HEPACAM: variants seen among roughly 807,000 people sequenced by gnomAD.
HEPACAM encodes hepatocyte cell adhesion molecule.
Under a neutral mutation model 38.3 loss-of-function variants are expected in HEPACAM, and 18 were observed. That is an observed-to-expected ratio of 0.47 (90% CI 0.33 to 0.70). The LOEUF is 0.70. HEPACAM is among the 30% of genes least tolerant of loss of function. The pLI, the probability that HEPACAM is intolerant of heterozygous loss-of-function variation, is 0.03. For missense variants in HEPACAM, 466 were observed against 563.0 expected (o/e 0.83, Z 1.74); for synonymous variants, 216 against 243.1 (o/e 0.89, Z 1.04).
Position 124,919,659 on chromosome 11 carries a change from A to G in HEPACAM, c.*1479T>C, listed in dbSNP as rs566864287. 3.4e-4 allele frequency: 491 copies of G among 1,424,438 alleles called. 6 individuals carry two copies. The South Asian group carries it at 6.1e-3, about 18-fold the overall frequency. 88.2% of individuals were successfully genotyped at this position (1,424,438 alleles called of 1,614,324 possible). ...AAGTGCCGAGGGACAGGGAGCTGAG[A>G]CAGGCATGCTGTGGGGTTCAGGGCA... On this transcript the variant is annotated 3_prime_UTR_variant, in exon 7 of 7. Transcript: ENST00000298251.
chr11:124,926,044 TAAAAAA>T (rs899060489), intron 1 of HEPACAM, among the ~76,000 whole-genome samples: 17 of 151,670 alleles, frequency 1.1e-4, no homozygotes, highest in Admixed American at 3.9e-4. Context: ...CTACTAAAAA[TAAAAAA>T]AATTAGCCAG....
chr11:124,920,639 T>G lies in HEPACAM; in HGVS notation c.*499A>C. On this transcript the variant is annotated 3_prime_UTR_variant, in exon 7 of 7. Coordinates refer to ENST00000298251, the MANE Select transcript of HEPACAM (RefSeq NM_152722.5). ...TGGCTTCTCCTTAGCTTAGTGCAGC[T>G]GTGGATTCTGGGAAAGTGGCCTCTC... The G allele has an allele frequency of 4.0e-6, 4 of 1,004,194 alleles. No homozygotes were observed. Among genetic ancestry groups the G allele is most frequent in the Non-Finnish European group, 4.7e-6 (4 of 845,616 alleles). The allele number at this position is 1,004,194 out of a possible 1,614,324, so 62.2% of individuals were successfully genotyped here.
chr11:124,928,006 G>C (rs1317468794), intron 1 of HEPACAM, among the ~76,000 whole-genome samples: 1 of 152,150 alleles, frequency 6.6e-6, no homozygotes, highest in Admixed American at 6.5e-5. Flanking sequence ...TTAATTTGGG[G>C]CAAGTAAAAT....
chr11:124,921,510 C>T lies in HEPACAM; in HGVS notation c.949-70G>A. On this transcript the variant is annotated intron_variant, in intron 6 of 6. Coordinates refer to ENST00000298251, the MANE Select transcript of HEPACAM (RefSeq NM_152722.5). The surrounding 1 kb of genome is among the most constrained non-coding windows in gnomAD (Gnocchi z 4.6). ...CCTGGGAGCGCGCCTGGTGTTAGAG[C>T]TTGCTGGAATTCCGAGGGGAGGGAC... The T allele has an allele frequency of 1.9e-6, 2 of 1,036,040 alleles. No individual in the cohort carries two copies. The highest frequency in any genetic ancestry group is 2.5e-6 in the Non-Finnish European group (2 of 808,118). The allele number at this position is 1,036,040 out of a possible 1,614,324, so 64.2% of individuals were successfully genotyped here. A position where few individuals can be genotyped will look rare whatever the true frequency, so the allele number is the denominator to read the frequency against.
At chr11:124,932,678 T>C (rs1947292820) in intron 1 of HEPACAM, among the ~76,000 whole-genome samples, 1 of 152,142 alleles carries the variant, frequency 6.6e-6, no homozygotes, top group Non-Finnish European at 1.5e-5. Context: ...CCCAGCCAGC[T>C]TCCCTTGTTG....
At chr11:124,925,808 A>G (rs1426420365) in intron 1 of HEPACAM, among the ~76,000 whole-genome samples, 1 of 152,244 alleles carries the variant, frequency 6.6e-6, no homozygotes, top group Non-Finnish European at 1.5e-5. Context: ...TGGGTAGAAC[A>G]AAGAGCTTAG....
intron 5 of HEPACAM, 123 bp downstream of exon 5, chr11:124,922,622 G>T: frequency 6.2e-7 from 1 of 1,612,144 alleles, no homozygotes; most frequent in Non-Finnish European, 8.5e-7. Flanking sequence ...TGCAGTCTTC[G>T]TGCAGTTGGT....
chr11:124,924,395 G>A lies in HEPACAM; in HGVS notation c.427+333C>T, dbSNP rs867494461. On this transcript the variant is annotated intron_variant, in intron 2 of 6. Coordinates refer to ENST00000298251, the MANE Select transcript of HEPACAM (RefSeq NM_152722.5). The surrounding 1 kb of genome is among the most constrained non-coding windows in gnomAD (Gnocchi z 4.4). ...TCAAATCTTGGCTCTATCACTTCTA[G>A]CTGTGTGACCTTGGGCAAGTTATTC... 2.0e-5 allele frequency among the ~76,000 whole-genome samples: 3 copies of A among 152,174 alleles called. No homozygotes were observed. The highest frequency in any genetic ancestry group is 4.4e-5 in the Non-Finnish European group (3 of 68,046).
At chr11:124,928,037 AG>A (rs1453338128) in intron 1 of HEPACAM, among the ~76,000 whole-genome samples, 1 of 152,228 alleles carries the variant, frequency 6.6e-6, no homozygotes, top group Non-Finnish European at 1.5e-5. Context: ...AACTATTTTC[AG>A]ACTTTTAAAA....
rs1565336612 is a variant in HEPACAM at position 124,920,677 on chromosome 11, G to GAAAAAAAAAAA, written c.*460_*461insTTTTTTTTTTT. ...AAAGTGGCCTCTCTAATCTGAACTTGCAAAAAAAAAAAAAAAAAAAAAAAA... is the reference window on the plus strand; with the variant it reads ...AAAGTGGCCTCTCTAATCTGAACTTGAAAAAAAAAAACAAAAAAAAAAAAAAAAAAAAAAAA... On this transcript the variant is annotated 3_prime_UTR_variant, in exon 7 of 7. Coordinates refer to ENST00000298251, the MANE Select transcript of HEPACAM (RefSeq NM_152722.5). 3.7e-5 allele frequency: 4 copies of GAAAAAAAAAAA among 108,138 alleles called. No individual in the cohort carries two copies. The African/African-American group carries it at 6.7e-4, about 18-fold the overall frequency. 6.7% of individuals were successfully genotyped at this position (108,138 alleles called of 1,614,324 possible).
intron 1 of HEPACAM, among the ~76,000 whole-genome samples, chr11:124,927,510 G>GTTTTTTTTTTTTTTTTTTTTTTTTTTT (rs763291809): frequency 2.0e-5 from 2 of 99,192 alleles, no homozygotes; most frequent in African/African-American, 4.2e-5. Context: ...GCCCAGCTAG[G>GTTTTTTTTTTTTTTTTTTTTTTTTTTT]TTTTTTTTTT....
chr11:124,921,416 G>T lies in HEPACAM; in HGVS notation c.973C>A (p.Pro325Thr), dbSNP rs1028072102. The change falls in exon 7 of 7, where the codon CCG (proline) becomes ACG (threonine). Residue 325 changes from proline to threonine, a missense_variant. Physicochemically the swap from Pro to Thr is conservative, Grantham distance 38. Transcript: ENST00000298251. The surrounding 1 kb of genome is among the most constrained non-coding windows in gnomAD (Gnocchi z 4.6). ...GTCGCGCTTCGAGGCTCCGGGGCCG[G>T]GTTCTCCTCGGTCTCCGGGGAGTCC... is the stretch of plus-strand genomic sequence containing the variant. ...DKDSPETEEN[P>T]APEPRSATEP... 10 of 1,270,512 alleles carry T rather than the reference G, an allele frequency of 7.9e-6. No individual in the cohort carries two copies. Among genetic ancestry groups the T allele is most frequent in the Non-Finnish European group, 7.9e-6 (8 of 1,010,638 alleles). The allele number at this position is 1,270,512 out of a possible 1,614,324, so 78.7% of individuals were successfully genotyped here.
At chr11:124,923,135 A>ATTTTTT (rs1947161978) in intron 4 of HEPACAM, among the ~76,000 whole-genome samples, 1 of 152,226 alleles carries the variant, frequency 6.6e-6, no homozygotes, top group Non-Finnish European at 1.5e-5. Context: ...GTGGTTGGCC[A>ATTTTTT]GTGAAAAAAC....
At chr11:124,928,710 C>T (rs1309099157) in intron 1 of HEPACAM, among the ~76,000 whole-genome samples, 1 of 152,162 alleles carries the variant, frequency 6.6e-6, no homozygotes, top group African/African-American at 2.4e-5. Context: ...CAAAATAATG[C>T]AACCATTTGT....
At chr11:124,923,661 T>C in intron 3 of HEPACAM, 68 bp downstream of exon 3, 1 of 1,583,742 alleles carries the variant, frequency 6.3e-7, no homozygotes, top group South Asian at 1.1e-5. Context: ...TGGGATGTCC[T>C]CAGTCCCTCA....
rs370526299 is a variant in HEPACAM, at chr11:124,921,015, A to G, written c.*123T>C. ...GCTCATACACGTTCACACCCGAGAC[A>G]CCAGCGCCCCCCCGGGACCTCCCCT... On this transcript the variant is annotated 3_prime_UTR_variant, in exon 7 of 7. Coordinates refer to ENST00000298251, the MANE Select transcript of HEPACAM (RefSeq NM_152722.5). The surrounding 1 kb of genome is among the most constrained non-coding windows in gnomAD (Gnocchi z 4.6). 1.1e-5 allele frequency: 16 copies of G among 1,403,792 alleles called. 1 individual carries two copies. The African/African-American group carries it at 2.1e-4, about 19-fold the overall frequency. 87.0% of individuals were successfully genotyped at this position (1,403,792 alleles called of 1,614,324 possible).
At chr11:124,933,177 A>G (rs949125803) in intron 1 of HEPACAM, among the ~76,000 whole-genome samples, 1 of 151,808 alleles carries the variant, frequency 6.6e-6, no homozygotes, top group Non-Finnish European at 1.5e-5. Flanking sequence ...AACTTACATT[A>G]TAATTTTTTT....
rs1366758845 is a variant in HEPACAM, at chr11:124,919,957, G to A, written c.*1181C>T. On this transcript the variant is annotated 3_prime_UTR_variant, in exon 7 of 7. Transcript: ENST00000298251. ...ACTCCTATGAACTGTTCAATAGGCG[G>A]TGGCATGGGCATGTCCTGGCTACAC... is the stretch of plus-strand genomic sequence containing the variant. 9 of 1,613,828 alleles carry A rather than the reference G, an allele frequency of 5.6e-6. No individual in the cohort carries two copies. Among genetic ancestry groups the A allele is most frequent in the Non-Finnish European group, 7.6e-6 (9 of 1,180,022 alleles).
Position 124,920,819 on chromosome 11 carries a change from G to C in HEPACAM, c.*319C>G, listed in dbSNP as rs1329362423. 2 of 1,144,818 alleles carry C rather than the reference G, an allele frequency of 1.7e-6. No homozygotes were observed. Among genetic ancestry groups the C allele is most frequent in the African/African-American group, 1.6e-5 (1 of 61,280 alleles). The allele number at this position is 1,144,818 out of a possible 1,614,324, so 70.9% of individuals were successfully genotyped here. A position where few individuals can be genotyped will look rare whatever the true frequency, so the allele number is the denominator to read the frequency against. ...CACGGGGGTTAGGTTACTGATGTTA[G>C]TTTCCATAAAACCCTTTTGGGTATT... On this transcript the variant is annotated 3_prime_UTR_variant, in exon 7 of 7. Coordinates refer to ENST00000298251, the MANE Select transcript of HEPACAM (RefSeq NM_152722.5).
Sources: allele counts gnomAD v4.1 joint callset (sites outside exome capture counted in the v4.1 genomes callset), GRCh38; gene constraint gnomAD v4.1.1; non-coding constraint Gnocchi (gnomAD v3.1); transcripts MANE v1.5; gene names NCBI Gene and HGNC (gene_info 2026-07-23, HGNC 2026-07-21).